ME3: variants seen among roughly 807,000 people sequenced by gnomAD.
ME3 encodes the protein NADP-dependent malic enzyme, mitochondrial.
In ME3, 48 loss-of-function variants were observed where a neutral mutation model predicts 68.9. That is an observed-to-expected ratio of 0.70 (90% confidence interval 0.55 to 0.89). ME3 has a LOEUF of 0.89. ME3 is among the 40% of genes least tolerant of loss of function. ME3 has a pLI of 0.00. For missense variants in ME3, 675 were observed against 797.4 expected, an observed-to-expected ratio of 0.85 and a Z score of 1.85; for synonymous variants, 320 against 318.8, an observed-to-expected ratio of 1.00 and a Z score of -0.04.
intron 4 of ME3, among the ~76,000 whole-genome samples, chr11:86,532,140 T>A (rs564321540): frequency 3.7e-4 from 57 of 152,280 alleles, no homozygotes; most frequent in African/African-American, 1.3e-3. Flanking sequence ...AAGATCATTA[T>A]ATAATGATAA....
downstream of ME3, chr11:86,436,480 A>G (rs1278400095): frequency 1.3e-5 from 2 of 152,116 alleles, no homozygotes; most frequent in Admixed American, 6.5e-5. Flanking sequence ...CTCCCAAAAA[A>G]AAGTGTTTCA....
At chr11:86,660,791 A>G (rs930570044) in intron 2 of ME3, among the ~76,000 whole-genome samples, 5 of 151,936 alleles carry the variant, frequency 3.3e-5, no homozygotes, top group Admixed American at 3.3e-4. Context: ...AAAAGATGCT[A>G]TTCTTTAGAG....
At chr11:86,445,843 A>C (rs1186859208) in intron 13 of ME3, among the ~76,000 whole-genome samples, 1 of 152,106 alleles carries the variant, frequency 6.6e-6, no homozygotes, top group African/African-American at 2.4e-5. Flanking sequence ...CAAGGAGAAA[A>C]AAACAAGTAT....
At chr11:86,557,066 C>T (rs1282190225) in intron 3 of ME3, among the ~76,000 whole-genome samples, 1 of 152,200 alleles carries the variant, frequency 6.6e-6, no homozygotes, top group Non-Finnish European at 1.5e-5. Context: ...TCTAAGCAGT[C>T]TGACTCTGGA....
intron 8 of ME3, chr11:86,457,508 G>A: frequency 8.9e-7 from 1 of 1,124,290 alleles, no homozygotes; most frequent in Non-Finnish European, 1.1e-6. Flanking sequence ...CTTGGTACAG[G>A]CCAGAACTCA....
intron 3 of ME3, among the ~76,000 whole-genome samples, chr11:86,559,072 A>G (rs1302058925): frequency 6.6e-6 from 1 of 152,198 alleles, no homozygotes; most frequent in African/African-American, 2.4e-5. Context: ...CAACCTGGGA[A>G]GTGACTACCT....
intron 8 of ME3, among the ~76,000 whole-genome samples, chr11:86,454,403 C>A (rs935688612): frequency 1.3e-5 from 2 of 152,184 alleles, no homozygotes; most frequent in African/African-American, 4.8e-5. Flanking sequence ...ACCTACACAT[C>A]TAACAAAGGA....
At chr11:86,653,403 C>T (rs1334275309) in intron 2 of ME3, among the ~76,000 whole-genome samples, 1 of 152,200 alleles carries the variant, frequency 6.6e-6, no homozygotes, top group East Asian at 1.9e-4. Flanking sequence ...GTCTCTCAGA[C>T]CACAGTGCAA....
At chr11:86,538,526 C>G (rs1446906711) in intron 4 of ME3, among the ~76,000 whole-genome samples, 1 of 152,180 alleles carries the variant, frequency 6.6e-6, no homozygotes, top group African/African-American at 2.4e-5. Flanking sequence ...CACCACAACA[C>G]AGTTCACAAT....
At chr11:86,619,161 C>T (rs1943186996) in intron 2 of ME3, among the ~76,000 whole-genome samples, 1 of 152,182 alleles carries the variant, frequency 6.6e-6, no homozygotes, top group East Asian at 1.9e-4. Flanking sequence ...CAGCACTATG[C>T]TTCCTGTACA....
intron 2 of ME3, among the ~76,000 whole-genome samples, chr11:86,583,672 G>C (rs889947732): frequency 6.6e-6 from 1 of 152,134 alleles, no homozygotes; most frequent in Non-Finnish European, 1.5e-5. Flanking sequence ...AATGGTATGT[G>C]ATTAGAAGAG....
chr11:86,553,483 G>A (rs954456979), intron 4 of ME3, among the ~76,000 whole-genome samples: 1 of 151,752 alleles, frequency 6.6e-6, no homozygotes, highest in African/African-American at 2.4e-5. Flanking sequence ...CAGGGCTTGG[G>A]TGGAGCCCAA....
intron 6 of ME3, 108 bp from the exon 7 acceptor site, chr11:86,487,548 G>T (rs939444026): frequency 1.4e-5 from 12 of 835,348 alleles, no homozygotes; most frequent in Non-Finnish European, 1.7e-5. Flanking sequence ...TGGGAGGAGA[G>T]GGGGGAGTAA....
At chr11:86,546,188 G>GTT (rs1450928939) in intron 4 of ME3, among the ~76,000 whole-genome samples, 2 of 152,070 alleles carry the variant, frequency 1.3e-5, no homozygotes, top group Non-Finnish European at 2.9e-5. Flanking sequence ...AGACTTAAAC[G>GTT]TAAGACCTAA....
intron 4 of ME3, among the ~76,000 whole-genome samples, chr11:86,539,791 A>G (rs1162291270): frequency 6.6e-6 from 1 of 152,148 alleles, no homozygotes; most frequent in African/African-American, 2.4e-5. Context: ...CCCATCAGTA[A>G]CCTTCTGGAC....
At chr11:86,637,683 G>A (rs1407600682) in intron 2 of ME3, among the ~76,000 whole-genome samples, 2 of 152,184 alleles carry the variant, frequency 1.3e-5, no homozygotes, top group East Asian at 3.9e-4. Context: ...ACTTTGTGCT[G>A]TAGGTGGGAG....
At chr11:86,647,506 A>G (rs143341316) in intron 2 of ME3, among the ~76,000 whole-genome samples, 2,453 of 150,712 alleles carry the variant, frequency 0.016, 22 homozygotes, top group Non-Finnish European at 0.026. Flanking sequence ...AAAAAAAAAG[A>G]CCCATCTCAC....
chr11:86,548,453 G>A (rs977297037), intron 4 of ME3, among the ~76,000 whole-genome samples: 4 of 152,060 alleles, frequency 2.6e-5, no homozygotes, highest in Admixed American at 6.6e-5. Context: ...CCCAAGCCAC[G>A]GCATCAAATA....
At chr11:86,562,594 C>T (rs1957287263) in intron 2 of ME3, among the ~76,000 whole-genome samples, 1 of 152,158 alleles carries the variant, frequency 6.6e-6, no homozygotes, top group South Asian at 2.1e-4. Flanking sequence ...AGTAGATGTA[C>T]AGTGATATGT....
Sources: gnomAD v4.1 joint callset for allele counts (sites outside exome capture counted in the v4.1 genomes callset) on GRCh38, gnomAD v4.1.1 for gene constraint, MANE v1.5 for transcripts, NCBI Gene and HGNC (gene_info 2026-07-23, HGNC 2026-07-21) for gene names.